The following CUX2 variants were observed in gnomAD, a reference collection of about 807,000 sequenced individuals.
CUX2 encodes homeobox protein cut-like 2.
Under a neutral mutation model 144.8 loss-of-function variants are expected in CUX2, and 40 were observed. The observed-to-expected ratio is 0.28, with a 90% confidence interval of 0.21 to 0.36. CUX2 has a LOEUF of 0.36. CUX2 is among the 10% of genes least tolerant of loss of function. The pLI, the probability that CUX2 is intolerant of heterozygous loss-of-function variation, is 1.00. For missense variants in CUX2, 1,615 were observed against 1,994.0 expected, an observed-to-expected ratio of 0.81 and a Z score of 3.62; for synonymous variants, 827 against 875.6, an observed-to-expected ratio of 0.94 and a Z score of 0.98.
At chr12:111,134,594 TTCTCTCTCTCTC>T (rs370486043) in intron 1 of CUX2, among the ~76,000 whole-genome samples, 2 of 144,164 alleles carry the variant, frequency 1.4e-5, no homozygotes, top group African/African-American at 2.6e-5. Context: ...TAAGATCTCT[TTCTCTCTCTCTC>T]TCTCTCTCTC....
intron 1 of CUX2, among the ~76,000 whole-genome samples, chr12:111,074,654 C>T (rs1483833905): frequency 6.6e-6 from 1 of 152,036 alleles, no homozygotes; most frequent in African/African-American, 2.4e-5. Flanking sequence ...TGAACTTTGG[C>T]AGCAGGAGGG....
intron 1 of CUX2, among the ~76,000 whole-genome samples, chr12:111,177,521 G>T (rs1047785930): frequency 1.3e-5 from 2 of 152,140 alleles, no homozygotes; most frequent in African/African-American, 4.8e-5. Flanking sequence ...CTCCCGAATA[G>T]CTGGGACTAC....
Position 111,307,761 on chromosome 12 carries a change from T to A in CUX2, c.1109+504T>A, listed in dbSNP as rs1886664495. Among the ~76,000 whole-genome samples, 1 of 152,060 alleles carries A rather than the reference T, an allele frequency of 6.6e-6. No homozygotes were observed. The highest frequency in any genetic ancestry group is 1.5e-5 in the Non-Finnish European group (1 of 68,022). On this transcript the variant is annotated intron_variant, in intron 12 of 21. Transcript: ENST00000261726. The surrounding 1 kb of genome is among the most constrained non-coding windows in gnomAD (Gnocchi z 4.1). ...ATTAAGAGCTGCCTGTACGGGCAGA[T>A]CACCTGAGGTCAGGAGTTCAAAACC...
At chr12:111,132,466 C>T (rs985514109) in intron 1 of CUX2, among the ~76,000 whole-genome samples, 1 of 151,850 alleles carries the variant, frequency 6.6e-6, no homozygotes, top group Non-Finnish European at 1.5e-5. Flanking sequence ...TAAATTTCTG[C>T]AGCTGGCTTG....
intron 1 of CUX2, among the ~76,000 whole-genome samples, chr12:111,075,187 C>T (rs1354138117): frequency 2.6e-5 from 4 of 152,002 alleles, no homozygotes; most frequent in Non-Finnish European, 5.9e-5. Flanking sequence ...TCCATCCCAG[C>T]TGCTGCCAGG....
intron 1 of CUX2, among the ~76,000 whole-genome samples, chr12:111,115,279 C>CTTTTTTTTTTTT (rs869307048): frequency 1.1e-5 from 1 of 88,744 alleles, no homozygotes; most frequent in Non-Finnish European, 2.2e-5. Flanking sequence ...AATAAAATTT[C>CTTTTTTTTTTTT]TTTTTTTTTT....
At chr12:111,091,774 C>T (rs1318947313) in intron 1 of CUX2, among the ~76,000 whole-genome samples, 1 of 152,216 alleles carries the variant, frequency 6.6e-6, no homozygotes, top group Non-Finnish European at 1.5e-5. Context: ...CTCACCTCCC[C>T]CAGCTTCTGG....
chr12:111,097,213 A>G (rs1419764926), intron 1 of CUX2, among the ~76,000 whole-genome samples: 1 of 152,002 alleles, frequency 6.6e-6, no homozygotes, highest in Non-Finnish European at 1.5e-5. Flanking sequence ...AGACCCTCAA[A>G]TGTGTGTGTG....
At chr12:111,225,569 C>T (rs1215486936) in intron 3 of CUX2, among the ~76,000 whole-genome samples, 1 of 152,212 alleles carries the variant, frequency 6.6e-6, no homozygotes, top group Non-Finnish European at 1.5e-5. Context: ...GGTTCATCAG[C>T]TGAACAGAGA....
rs1437232237 is a variant in CUX2, at chr12:111,076,063, G to T, written c.63+41823G>T. On this transcript the variant is annotated intron_variant, in intron 1 of 21. Coordinates refer to ENST00000261726, the MANE Select transcript of CUX2 (RefSeq NM_015267.4). The stretch of plus-strand genomic sequence containing the variant: ...CTTGAAGTCACACAGCTAGTCAGTG[G>T]CAAAGCTAGAATTTGAACTCAGGAC... 2.0e-5 allele frequency among the ~76,000 whole-genome samples: 3 copies of T among 152,186 alleles called. No individual in the cohort carries two copies. The East Asian group carries it at 5.8e-4, about 29-fold the overall frequency.
chr12:111,205,025 T>A (rs961326566), intron 1 of CUX2, among the ~76,000 whole-genome samples: 2 of 152,180 alleles, frequency 1.3e-5, no homozygotes, highest in Non-Finnish European at 2.9e-5. Flanking sequence ...ATTGGCCCAA[T>A]ACATCTTGGC....
chr12:111,229,494 G>A (rs1375213884), intron 3 of CUX2, among the ~76,000 whole-genome samples: 1 of 152,184 alleles, frequency 6.6e-6, no homozygotes, highest in Non-Finnish European at 1.5e-5. Flanking sequence ...ATGGGCCCAG[G>A]TCAGGTCACT....
chr12:111,347,994 C>T lies in CUX2; in HGVS notation c.4130C>T (p.Pro1377Leu). Residue 1377 changes from proline to leucine, a missense_variant, in exon 22 of 22, where the codon CCT becomes CTT. Pro to Leu is a moderately conservative substitution (Grantham distance 98). This residue lies in a region of CUX2 where 298 missense variants were observed against 330.4 expected (regional missense o/e 0.90). Transcript: ENST00000261726. ...SEAGERLHPD[P>L]LSFKSASESS... is the part of the protein sequence containing the mutation. ...GCCGGGGAGCGACTTCACCCGGACC[C>T]TTTAAGTTTTAAGTCAGCCTCAGAG... 6.2e-7 allele frequency: 1 copy of T among 1,614,110 alleles called. No individual in the cohort carries two copies. Among genetic ancestry groups the T allele is most frequent in the African/African-American group, 1.3e-5 (1 of 75,032 alleles).
chr12:111,183,578 G>T (rs1464313395), intron 1 of CUX2, among the ~76,000 whole-genome samples: 1 of 152,216 alleles, frequency 6.6e-6, no homozygotes, highest in Non-Finnish European at 1.5e-5. Flanking sequence ...AAAGTCAACA[G>T]ACCTTGGTTT....
chr12:111,249,445 G>GTT (rs58383341), intron 3 of CUX2, among the ~76,000 whole-genome samples: 38 of 63,388 alleles, frequency 6.0e-4, no homozygotes, highest in Non-Finnish European at 8.1e-4. Context: ...CCCTTTTTTT[G>GTT]TTTTTTTTTT....
intron 1 of CUX2, among the ~76,000 whole-genome samples, chr12:111,044,452 T>A (rs1869903948): frequency 6.6e-6 from 1 of 151,680 alleles, no homozygotes; most frequent in African/African-American, 2.4e-5. Flanking sequence ...GCCAAGCAGG[T>A]CCCAGCTTCA....
intron 1 of CUX2, among the ~76,000 whole-genome samples, chr12:111,089,186 A>C (rs1004405895): frequency 2.0e-5 from 3 of 152,202 alleles, no homozygotes; most frequent in Non-Finnish European, 4.4e-5. Flanking sequence ...TCCTGTTCTC[A>C]GAGCATCTTC....
chr12:111,346,699 C>A (rs781502927), intron 21 of CUX2, among the ~76,000 whole-genome samples: 3 of 152,176 alleles, frequency 2.0e-5, no homozygotes, highest in Non-Finnish European at 4.4e-5. Flanking sequence ...CTGAAAATTT[C>A]TTGACTTCAT....
chr12:111,047,942 A>G (rs1026135264), intron 1 of CUX2, among the ~76,000 whole-genome samples: 5 of 152,242 alleles, frequency 3.3e-5, no homozygotes, highest in African/African-American at 1.2e-4. Flanking sequence ...GTGCAGGCAC[A>G]GTTCAGGCAG....
Sources: allele counts gnomAD v4.1 joint callset (sites outside exome capture counted in the v4.1 genomes callset), GRCh38; gene constraint gnomAD v4.1.1; regional missense constraint gnomAD v4.1.1; non-coding constraint Gnocchi (gnomAD v3.1); transcripts MANE v1.5; gene names NCBI Gene and HGNC (gene_info 2026-07-23, HGNC 2026-07-21).